Variants in DHX9 observed in about 807,000 individuals in gnomAD.
DHX9 encodes the protein DExH-box helicase 9.
DHX9 carries 27 observed loss-of-function variants against 148.7 expected under a neutral mutation model. The ratio of observed to expected loss-of-function variants is 0.18; its 90% confidence interval spans 0.13 to 0.25. The LOEUF is 0.25. Among genes scored for constraint, DHX9 ranks in the 10% least tolerant of loss-of-function variants. The probability of loss-of-function intolerance (pLI) is 1.00; values close to 1 mark genes in which losing one functional copy is unlikely to be tolerated. For synonymous variants in DHX9, 529 were observed against 516.6 expected (o/e 1.02, Z -0.33); for missense variants, 796 against 1,559.6 (o/e 0.51, Z 8.25).
intron 15 of DHX9, among the ~76,000 whole-genome samples, chr1:182,874,311 T>A (rs1425270469): frequency 3.3e-5 from 5 of 152,214 alleles, no homozygotes; most frequent in Non-Finnish European, 7.3e-5. Context: ...ATTGATAGGA[T>A]ATGCCCTTAA....
At chr1:182,852,200 C>G in intron 3 of DHX9, 33 bp from the exon 4 acceptor site, 1 of 1,475,288 alleles carries the variant, frequency 6.8e-7, no homozygotes, top group African/African-American at 1.4e-5. Context: ...AAGGCAAAAG[C>G]ACTGACAGCT....
intron 27 of DHX9, 150 bp from the exon 28 acceptor site, chr1:182,886,933 A>G: frequency 1.4e-6 from 1 of 701,316 alleles, no homozygotes; most frequent in Non-Finnish European, 2.4e-6. Context: ...GTTTTAGAAT[A>G]GCAGATCAAT....
rs1422108481 is a variant in DHX9, at chr1:182,866,584, A to G, written c.1473A>G (p.Val491=). The change falls in exon 13 of 28, where the codon GTA becomes GTG. Residue 491 remains valine, a splice_region_variant and synonymous_variant. Transcript: ENST00000367549. The stretch of plus-strand genomic sequence containing the variant: ...ATGCCAGTATAATGTTTTGTACTGT[A>G]GGTCAGTAATGTATTTTGATTTTTC... The part of the protein sequence containing the change: ...RPHASIMFCT[V]GVLLRKLEAG... 4 of 1,610,874 alleles carry G rather than the reference A, an allele frequency of 2.5e-6. No individual in the cohort carries two copies. The African/African-American group carries it at 5.3e-5, about 22-fold the overall frequency.
At chr1:182,875,010 A>G (rs1571317732) in intron 16 of DHX9, 56 bp downstream of exon 16, 2 of 1,367,788 alleles carry the variant, frequency 1.5e-6, no homozygotes, top group Non-Finnish European at 2.1e-6. Flanking sequence ...TGCAGAGAAA[A>G]AAATGAGTTA....
At chr1:182,846,422 C>G (rs577544815) in intron 3 of DHX9, among the ~76,000 whole-genome samples, 1 of 152,008 alleles carries the variant, frequency 6.6e-6, no homozygotes, top group African/African-American at 2.4e-5. Context: ...TTAGTAGAGA[C>G]GGGGTTTCTC....
At chr1:182,855,033 C>T (rs1026014802) in intron 6 of DHX9, among the ~76,000 whole-genome samples, 6 of 152,306 alleles carry the variant, frequency 3.9e-5, no homozygotes, top group Admixed American at 3.3e-4. Context: ...TTGGATGCAT[C>T]TAGCGACCCT....
rs758428105 is a variant in DHX9, at chr1:182,853,999, C to G, written c.478-31C>G. ...CTTGTTTGTATACCTAAACTTAACA[C>G]AGCCAAATTTAATTATCATTGATTC... On this transcript the variant is annotated intron_variant, in intron 5 of 27. Coordinates refer to ENST00000367549, the MANE Select transcript of DHX9 (RefSeq NM_001357.5). The G allele has an allele frequency of 3.1e-6, 5 of 1,603,486 alleles. No homozygotes were observed. The East Asian group carries it at 1.1e-4, about 36-fold the overall frequency.
intron 1 of DHX9, 143 bp downstream of exon 1, chr1:182,839,599 G>C (rs1667875443): frequency 6.6e-6 from 1 of 152,164 alleles, no homozygotes; most frequent in Non-Finnish European, 1.5e-5. Flanking sequence ...GCCGCCCGCG[G>C]GTCCCCGGAT....
chr1:182,851,373 T>C (rs937395318), intron 3 of DHX9, among the ~76,000 whole-genome samples: 3 of 152,174 alleles, frequency 2.0e-5, no homozygotes, highest in African/African-American at 7.2e-5. Flanking sequence ...TTTAGATAAG[T>C]GTCTGGCAAA....
At chr1:182,850,635 G>A (rs1388359242) in intron 3 of DHX9, among the ~76,000 whole-genome samples, 1 of 151,832 alleles carries the variant, frequency 6.6e-6, no homozygotes, top group African/African-American at 2.4e-5. Context: ...CAGATTGTGA[G>A]AATAGAAAAA....
intron 26 of DHX9, among the ~76,000 whole-genome samples, chr1:182,883,843 GA>G (rs34138433): frequency 0.23 from 35,073 of 151,954 alleles, 7,180 homozygotes; most frequent in African/African-American, 0.55. Context: ...TATGGAATCA[GA>G]ATCTAAGTGA....
intron 24 of DHX9, among the ~76,000 whole-genome samples, chr1:182,882,643 G>C (rs1437789454): frequency 6.6e-6 from 1 of 152,166 alleles, no homozygotes; most frequent in Non-Finnish European, 1.5e-5. Context: ...GAGTCAGGTG[G>C]ATCACGAGGT....
intron 15 of DHX9, among the ~76,000 whole-genome samples, chr1:182,873,833 C>T (rs1254243493): frequency 6.6e-6 from 1 of 152,080 alleles, no homozygotes; most frequent in East Asian, 1.9e-4. Context: ...GAAATGGCTG[C>T]TTCTAGGATG....
intron 24 of DHX9, among the ~76,000 whole-genome samples, chr1:182,882,632 C>A (rs149224879): frequency 0.039 from 5,948 of 152,114 alleles, 288 homozygotes; most frequent in African/African-American, 0.11. Flanking sequence ...TTTGGGAGGC[C>A]GAGTCAGGTG....
intron 3 of DHX9, among the ~76,000 whole-genome samples, chr1:182,844,496 G>C (rs75051280): frequency 1.3e-5 from 2 of 152,176 alleles, no homozygotes; most frequent in East Asian, 3.9e-4. Context: ...GGTGTGTGCC[G>C]CTACACTAGG....
chr1:182,886,869 A>G (rs554583688), intron 27 of DHX9, among the ~76,000 whole-genome samples: 2 of 152,302 alleles, frequency 1.3e-5, no homozygotes, highest in Non-Finnish European at 1.5e-5. Flanking sequence ...AAAATTCAAA[A>G]CCTTTGAGAT....
rs992368945 is a variant in DHX9, at chr1:182,860,139, T to C, written c.1287T>C (p.Phe429=). 6.2e-7 allele frequency: 1 copy of C among 1,613,438 alleles called. No homozygotes were observed. Among genetic ancestry groups the C allele is most frequent in the South Asian group, 1.1e-5 (1 of 90,880 alleles). The change falls in exon 12 of 28, where the codon TTT becomes TTC. Residue 429 remains phenylalanine (F), a synonymous_variant. Coordinates refer to ENST00000367549, the MANE Select transcript of DHX9 (RefSeq NM_001357.5). The stretch of plus-strand genomic sequence containing the variant: ...TTCCCCAGTTCATTCTAGATGACTT[T>C]ATCCAGAATGACCGAGCAGCAGAGT... ...TQVPQFILDD[F]IQNDRAAECN... is the part of the protein sequence containing the mutation.
At chr1:182,854,946 G>A (rs1046700102) in intron 6 of DHX9, among the ~76,000 whole-genome samples, 1 of 152,066 alleles carries the variant, frequency 6.6e-6, no homozygotes, top group African/African-American at 2.4e-5. Flanking sequence ...GAATGATTCC[G>A]TTTGCTGTCC....
intron 3 of DHX9, among the ~76,000 whole-genome samples, chr1:182,844,622 C>T (rs756733394): frequency 6.6e-6 from 1 of 152,216 alleles, no homozygotes; most frequent in East Asian, 1.9e-4. Context: ...CAACCTCCAC[C>T]TCCTGGGTTC....
Sources: allele counts gnomAD v4.1 joint callset (sites outside exome capture counted in the v4.1 genomes callset), GRCh38; gene constraint gnomAD v4.1.1; transcripts MANE v1.5; gene names NCBI Gene and HGNC (gene_info 2026-07-23, HGNC 2026-07-21).